Variants in SETD2 observed in about 807,000 individuals in gnomAD.
SETD2 encodes SET domain containing 2, histone lysine methyltransferase, also known as histone-lysine N-methyltransferase SETD2.
Under a neutral mutation model 242.1 loss-of-function variants are expected in SETD2, and 31 were observed. The ratio of observed to expected loss-of-function variants is 0.13; its 90% CI spans 0.10 to 0.17. SETD2 has a LOEUF of 0.17. Ranked by LOEUF, SETD2 falls within the 10% of genes least tolerant of loss-of-function variation. The pLI is 1.00. For synonymous variants in SETD2, 1,006 were observed against 1,066.5 expected (o/e 0.94, Z 1.11); for missense variants, 2,481 against 3,046.3 (o/e 0.81, Z 4.37).
rs779446982 is a variant in SETD2 at position 47,105,980 on chromosome 3, A to G, written c.4839+17T>C. On this transcript the variant is annotated intron_variant, in intron 6 of 20. Transcript: ENST00000409792. ...CTAACAGATCTGTTTCAAGGCAAAC[A>G]TATCCAAGCTGCTTACCTCATCATT... The G allele has an allele frequency of 1.2e-6, 2 of 1,612,296 alleles. No individual in the cohort carries two copies. The highest frequency in any genetic ancestry group is 2.7e-5 in the African/African-American group (2 of 74,784).
chr3:47,043,519 T>C (rs901725326), intron 16 of SETD2, among the ~76,000 whole-genome samples: 1 of 152,214 alleles, frequency 6.6e-6, no homozygotes, highest in Admixed American at 6.5e-5. Context: ...ACTCAGTCTG[T>C]GGTATTTTGT....
chr3:47,161,187 A>AC (rs1697480362), intron 1 of SETD2, among the ~76,000 whole-genome samples: 1 of 152,112 alleles, frequency 6.6e-6, no homozygotes, highest in Admixed American at 6.6e-5. Context: ...TTCCCTGATG[A>AC]CCCCAACTAG....
At chr3:47,143,165 A>G (rs897312157) in intron 1 of SETD2, among the ~76,000 whole-genome samples, 2 of 152,076 alleles carry the variant, frequency 1.3e-5, no homozygotes, top group Non-Finnish European at 2.9e-5. Flanking sequence ...TTGGTGATGC[A>G]TGCCTGTAGT....
At chr3:47,104,902 T>TA (rs1312514566) in intron 6 of SETD2, among the ~76,000 whole-genome samples, 1 of 152,156 alleles carries the variant, frequency 6.6e-6, no homozygotes, top group Non-Finnish European at 1.5e-5. Flanking sequence ...GGAGCAGCTG[T>TA]AACTAGATGC....
intron 18 of SETD2, among the ~76,000 whole-genome samples, chr3:47,020,428 A>G (rs552648902): frequency 2.6e-5 from 4 of 152,304 alleles, no homozygotes; most frequent in African/African-American, 9.6e-5. Flanking sequence ...CAGTGAACAG[A>G]TAAGTAGATG....
At chr3:47,046,937 G>C (rs2039558577) in intron 15 of SETD2, 1 of 173,716 alleles carries the variant, frequency 5.8e-6, no homozygotes, top group African/African-American at 2.4e-5. Context: ...AATTAAACAG[G>C]TGGACAGTTT....
intron 5 of SETD2, among the ~76,000 whole-genome samples, chr3:47,109,854 C>T (rs1269512700): frequency 2.6e-5 from 4 of 151,666 alleles, no homozygotes; most frequent in Non-Finnish European, 2.9e-5. Flanking sequence ...GGCATGGTGG[C>T]GCACACCTGT....
At chr3:47,130,327 CA>C (rs1480959211) in intron 1 of SETD2, among the ~76,000 whole-genome samples, 7 of 151,966 alleles carry the variant, frequency 4.6e-5, no homozygotes, top group African/African-American at 1.7e-4. Flanking sequence ...TGGTGGAAAC[CA>C]GGAAGAGAGG....
intron 1 of SETD2, among the ~76,000 whole-genome samples, chr3:47,131,355 T>G (rs987413026): frequency 6.6e-6 from 1 of 152,180 alleles, no homozygotes; most frequent in Non-Finnish European, 1.5e-5. Context: ...ATTAATTTTT[T>G]TTCTTTGAGA....
chr3:47,089,133 T>C (rs778360813), intron 9 of SETD2, among the ~76,000 whole-genome samples: 3 of 152,162 alleles, frequency 2.0e-5, no homozygotes, highest in African/African-American at 7.2e-5. Flanking sequence ...GTGATACATA[T>C]GTGAAAAACT....
At chr3:47,043,328 T>C (rs562581640) in intron 16 of SETD2, among the ~76,000 whole-genome samples, 25 of 152,286 alleles carry the variant, frequency 1.6e-4, no homozygotes, top group African/African-American at 5.3e-4. Context: ...TCTAATAGGA[T>C]GGTGTCCTTA....
chr3:47,154,256 A>C (rs1240591174), intron 1 of SETD2, among the ~76,000 whole-genome samples: 1 of 152,194 alleles, frequency 6.6e-6, no homozygotes, highest in East Asian at 1.9e-4. Flanking sequence ...TAAAAATATA[A>C]AAATTAGCTG....
chr3:47,109,237 G>C (rs568771489), intron 5 of SETD2, among the ~76,000 whole-genome samples: 1 of 152,190 alleles, frequency 6.6e-6, no homozygotes, highest in African/African-American at 2.4e-5. Flanking sequence ...GGCAGACAGA[G>C]AATGTAAAAT....
intron 15 of SETD2, among the ~76,000 whole-genome samples, chr3:47,054,861 A>G (rs1317159388): frequency 6.6e-6 from 1 of 152,188 alleles, no homozygotes; most frequent in Non-Finnish European, 1.5e-5. Context: ...TAAAACATTT[A>G]TGTATGTATA....
At position 47,059,518 on chromosome 3, in the gene SETD2, C is replaced by T. The variant is rs182078229; in HGVS notation, c.6294-2028G>A. Among the ~76,000 whole-genome samples the T allele has an allele frequency of 7.5e-4, 113 of 151,636 alleles. 2 individuals carry two copies. The highest frequency in any genetic ancestry group is 2.5e-3 in the African/African-American group (105 of 41,294). ...CACTGCAACCTCTGCCTCCCGGGTT[C>T]AAACAATTCTCCTGCCTCAGTCTCC... is the stretch of plus-strand genomic sequence containing the variant. On this transcript the variant is annotated intron_variant, in intron 14 of 20. Coordinates refer to ENST00000409792, the MANE Select transcript of SETD2 (RefSeq NM_014159.7).
intron 1 of SETD2, among the ~76,000 whole-genome samples, chr3:47,141,622 T>G (rs1234018816): frequency 1.3e-5 from 2 of 152,184 alleles, no homozygotes; most frequent in Non-Finnish European, 2.9e-5. Flanking sequence ...GAAAATAATT[T>G]TATTATTTCA....
At position 47,086,187 on chromosome 3, in the gene SETD2, G is replaced by T; in HGVS notation, c.5397+8C>A. 6.2e-7 allele frequency: 1 copy of T among 1,611,834 alleles called. No individual in the cohort carries two copies. Among genetic ancestry groups the T allele is most frequent in the South Asian group, 1.1e-5 (1 of 90,984 alleles). On this transcript the variant is annotated splice_region_variant and intron_variant, in intron 11 of 20. Coordinates refer to ENST00000409792, the MANE Select transcript of SETD2 (RefSeq NM_014159.7). The stretch of plus-strand genomic sequence containing the variant: ...TTTAAGAAACAAGCAAGCTAAATGT[G>T]AACTGACCTCTTCCTGAAGCTTCTG...
intron 15 of SETD2, among the ~76,000 whole-genome samples, chr3:47,056,537 A>G (rs962450708): frequency 2.0e-5 from 3 of 152,162 alleles, no homozygotes; most frequent in Non-Finnish European, 2.9e-5. Flanking sequence ...GTGAATCTCT[A>G]TATCTAGTTC....
chr3:47,072,053 A>G (rs1383143383), intron 12 of SETD2, among the ~76,000 whole-genome samples: 1 of 152,258 alleles, frequency 6.6e-6, no homozygotes, highest in Non-Finnish European at 1.5e-5. Flanking sequence ...TCACGCTTGT[A>G]ATCCCAGCAC....
Sources: gnomAD v4.1 joint callset for allele counts (sites outside exome capture counted in the v4.1 genomes callset) on GRCh38, gnomAD v4.1.1 for gene constraint, MANE v1.5 for transcripts, NCBI Gene and HGNC (gene_info 2026-07-23, HGNC 2026-07-21) for gene names.